NRXN3: variants seen among roughly 807,000 people sequenced by gnomAD.
The protein encoded by NRXN3 is neurexin 3.
Under a neutral mutation model 137.6 loss-of-function variants are expected in NRXN3, and 32 were observed. That is an observed-to-expected ratio of 0.23 (90% CI 0.18 to 0.31). The LOEUF is 0.31. NRXN3 is among the 10% of genes least tolerant of loss of function. The pLI is 1.00. For synonymous variants in NRXN3, 798 were observed against 784.5 expected, an observed-to-expected ratio of 1.02 and a Z score of -0.29; for missense variants, 1,574 against 2,062.5, an observed-to-expected ratio of 0.76 and a Z score of 4.59.
At chr14:78,276,708 A>G (rs568672447) in intron 2 of NRXN3, among the ~76,000 whole-genome samples, 9 of 152,280 alleles carry the variant, frequency 5.9e-5, no homozygotes, top group African/African-American at 2.2e-4. Flanking sequence ...CACATCCCCA[A>G]ATGGGCAAGT....
At chr14:79,286,081 C>A (rs1001559354) in intron 15 of NRXN3, among the ~76,000 whole-genome samples, 1 of 152,120 alleles carries the variant, frequency 6.6e-6, no homozygotes, top group Non-Finnish European at 1.5e-5. Flanking sequence ...CTTGTGTTTT[C>A]TTTCTTCTCA....
chr14:78,577,738 A>T (rs889376048), intron 4 of NRXN3, among the ~76,000 whole-genome samples: 1 of 152,140 alleles, frequency 6.6e-6, no homozygotes. Flanking sequence ...GGTGAATTTT[A>T]AAAAATCTTT....
intron 15 of NRXN3, among the ~76,000 whole-genome samples, chr14:79,427,602 C>T (rs73330015): frequency 0.031 from 4,650 of 152,164 alleles, 246 homozygotes; most frequent in African/African-American, 0.11. Context: ...CACTTCAGGT[C>T]GGGTCACTCA....
chr14:79,526,262 G>C (rs2097118829), intron 16 of NRXN3, among the ~76,000 whole-genome samples: 1 of 152,120 alleles, frequency 6.6e-6, no homozygotes, highest in East Asian at 1.9e-4. Flanking sequence ...GGTCAGGCTG[G>C]TCTCAACCTC....
intron 15 of NRXN3, among the ~76,000 whole-genome samples, chr14:79,420,975 C>T (rs1244622915): frequency 6.6e-6 from 1 of 152,040 alleles, no homozygotes; most frequent in Non-Finnish European, 1.5e-5. Flanking sequence ...CATTGTGAAA[C>T]CAAATAAGAA....
At chr14:79,822,066 T>C (rs2099274410) in intron 20 of NRXN3, among the ~76,000 whole-genome samples, 1 of 152,208 alleles carries the variant, frequency 6.6e-6, no homozygotes, top group Admixed American at 6.5e-5. Context: ...GGCTCAAATA[T>C]ACAACTCTGT....
At chr14:79,296,447 GA>G (rs113327994) in intron 15 of NRXN3, among the ~76,000 whole-genome samples, 84 of 139,434 alleles carry the variant, frequency 6.0e-4, no homozygotes, top group Middle Eastern at 3.8e-3. Context: ...ATATACTTGG[GA>G]AAAAAAAAAA....
intron 5 of NRXN3, among the ~76,000 whole-genome samples, chr14:78,645,742 C>T (rs2097680626): frequency 6.6e-6 from 1 of 151,430 alleles, no homozygotes; most frequent in Admixed American, 6.6e-5. Flanking sequence ...ACATTTGAAT[C>T]TTATCGTATT....
intron 4 of NRXN3, among the ~76,000 whole-genome samples, chr14:78,594,468 C>T (rs2097143005): frequency 6.6e-6 from 1 of 152,178 alleles, no homozygotes; most frequent in African/African-American, 2.4e-5. Context: ...AAATGAGGGT[C>T]TGGACCTCAG....
At chr14:78,501,105 G>A (rs1196016632) in intron 4 of NRXN3, among the ~76,000 whole-genome samples, 2 of 152,116 alleles carry the variant, frequency 1.3e-5, no homozygotes, top group Non-Finnish European at 2.9e-5. Flanking sequence ...GTTTATGTTA[G>A]TTATCTATGG....
At position 79,823,852 on chromosome 14, in the gene NRXN3, C is replaced by T. The variant is rs145761643; in HGVS notation, c.4093+18662C>T. 1,714 of 430,618 alleles carry T rather than the reference C, an allele frequency of 4.0e-3. 22 individuals are homozygous for T. The highest frequency in any genetic ancestry group is 0.031 in the African/African-American group (1,537 of 49,884). The allele number at this position is 430,618 out of a possible 1,614,324, so 26.7% of individuals were successfully genotyped here. On this transcript the variant is annotated intron_variant, in intron 20 of 20. Coordinates refer to ENST00000335750, the MANE Select transcript of NRXN3 (RefSeq NM_001330195.2). ...GATGATGATGATGATATGCAGGGCT[C>T]TATATAGCTTAACACATTAGTTCCA...
intron 15 of NRXN3, among the ~76,000 whole-genome samples, chr14:79,242,972 A>C (rs1254562967): frequency 6.6e-6 from 1 of 152,192 alleles, no homozygotes; most frequent in Non-Finnish European, 1.5e-5. Flanking sequence ...TCACTGAGAA[A>C]AACAAAATCC....
intron 15 of NRXN3, among the ~76,000 whole-genome samples, chr14:79,022,979 G>A (rs184095958): frequency 9.7e-4 from 147 of 152,210 alleles, no homozygotes; most frequent in Middle Eastern, 6.8e-3. Flanking sequence ...CAGTTGCCAA[G>A]CATCCATAGG....
chr14:79,446,087 G>A (rs539652323), intron 15 of NRXN3, among the ~76,000 whole-genome samples: 114 of 152,266 alleles, frequency 7.5e-4, no homozygotes, highest in Non-Finnish European at 1.4e-3. Context: ...GCTTTATTGA[G>A]CTTACATCTT....
At chr14:78,764,484 C>T (rs577799961) in intron 8 of NRXN3, among the ~76,000 whole-genome samples, 2 of 152,306 alleles carry the variant, frequency 1.3e-5, no homozygotes, top group East Asian at 1.9e-4. Context: ...AGCTGCCCAC[C>T]TATCACACTC....
chr14:79,008,822 C>A, intron 15 of NRXN3, among the ~76,000 whole-genome samples: 1 of 152,036 alleles, frequency 6.6e-6, no homozygotes, highest in East Asian at 1.9e-4. Flanking sequence ...CCACACCTGG[C>A]TAATTTTTGT....
chr14:79,087,719 A>G (rs2048392103), intron 15 of NRXN3, among the ~76,000 whole-genome samples: 2 of 152,128 alleles, frequency 1.3e-5, no homozygotes, highest in South Asian at 4.1e-4. Context: ...ATCAAAACCA[A>G]TGCTCCCCTT....
intron 4 of NRXN3, among the ~76,000 whole-genome samples, chr14:78,410,462 A>G (rs1453616675): frequency 6.6e-6 from 1 of 152,240 alleles, no homozygotes; most frequent in Non-Finnish European, 1.5e-5. Context: ...AATAATGTCT[A>G]AATGGACTAT....
At chr14:79,222,149 T>A (rs1048155148) in intron 15 of NRXN3, among the ~76,000 whole-genome samples, 1 of 152,196 alleles carries the variant, frequency 6.6e-6, no homozygotes, top group Admixed American at 6.5e-5. Context: ...CTGTTTTGGT[T>A]ACTGTAGCCT....
Sources: gnomAD v4.1 joint callset for allele counts (sites outside exome capture counted in the v4.1 genomes callset) on GRCh38, gnomAD v4.1.1 for gene constraint, MANE v1.5 for transcripts, NCBI Gene and HGNC (gene_info 2026-07-23, HGNC 2026-07-21) for gene names.